SNX29: variants seen among roughly 807,000 people sequenced by gnomAD.
SNX29 encodes the protein sorting nexin-29.
In SNX29, 78 loss-of-function variants were observed where a neutral mutation model predicts 102.1. The ratio of observed to expected loss-of-function variants is 0.76; its 90% CI spans 0.64 to 0.92. SNX29 has a LOEUF of 0.92. Ranked by LOEUF, SNX29 falls within the 40% of genes least tolerant of loss-of-function variation. The pLI is 0.00. For synonymous variants in SNX29, 580 were observed against 414.5 expected, an observed-to-expected ratio of 1.40 and a Z score of -4.85; for missense variants, 1,280 against 1,061.7, an observed-to-expected ratio of 1.21 and a Z score of -2.86.
At chr16:12,426,704 C>T (rs1047804861) in intron 18 of SNX29, among the ~76,000 whole-genome samples, 1 of 152,164 alleles carries the variant, frequency 6.6e-6, no homozygotes, top group African/African-American at 2.4e-5. Context: ...CTCACTCTGT[C>T]GCCCAGGCTG....
chr16:12,558,042 C>T (rs751293861), intron 20 of SNX29, among the ~76,000 whole-genome samples: 4 of 152,106 alleles, frequency 2.6e-5, no homozygotes, highest in Non-Finnish European at 4.4e-5. Flanking sequence ...GGTAATTGGC[C>T]GGGATTACAA....
At chr16:12,561,335 G>GTGGTGAGACTC in intron 20 of SNX29, among the ~76,000 whole-genome samples, 1 of 152,234 alleles carries the variant, frequency 6.6e-6, no homozygotes, top group Middle Eastern at 3.4e-3. Flanking sequence ...GGTTTTCAAA[G>GTGGTGAGACTC]TGGTGAGACT....
At chr16:12,558,280 C>T (rs190535036) in intron 20 of SNX29, among the ~76,000 whole-genome samples, 36 of 152,252 alleles carry the variant, frequency 2.4e-4, no homozygotes, top group Admixed American at 1.6e-3. Flanking sequence ...CAGGCTGAGC[C>T]AGCTCTGAAA....
At chr16:12,347,885 C>T (rs979559315) in intron 15 of SNX29, among the ~76,000 whole-genome samples, 11 of 145,038 alleles carry the variant, frequency 7.6e-5, no homozygotes, top group Non-Finnish European at 1.2e-4. Flanking sequence ...CAAGACCAGC[C>T]TGAGAAACGT....
intron 13 of SNX29, among the ~76,000 whole-genome samples, chr16:12,147,141 C>A (rs1201928276): frequency 2.6e-5 from 4 of 152,212 alleles, no homozygotes; most frequent in Non-Finnish European, 5.9e-5. Flanking sequence ...AAGCGCGTGC[C>A]CGCGTTGAAT....
chr16:12,570,913 C>T lies in SNX29; in HGVS notation c.*2284C>T, dbSNP rs756497079. 4.5e-6 allele frequency: 1 copy of T among 221,696 alleles called. No individual in the cohort carries two copies. Among genetic ancestry groups the T allele is most frequent in the African/African-American group, 2.4e-5 (1 of 42,436 alleles). The allele number at this position is 221,696 out of a possible 1,614,324, so 13.7% of individuals were successfully genotyped here. A position where few individuals can be genotyped will look rare whatever the true frequency, so the allele number is the denominator to read the frequency against. On this transcript the variant is annotated 3_prime_UTR_variant, in exon 21 of 21. Transcript: ENST00000566228. ...ATTCACAAAAAACCTGGTCTGCTCT[C>T]CAAAATGAGAGCATGTTCCTGGGAG...
At chr16:12,093,417 C>T (rs1671239570) in intron 11 of SNX29, among the ~76,000 whole-genome samples, 1 of 146,042 alleles carries the variant, frequency 6.8e-6, no homozygotes, top group Admixed American at 6.8e-5. Context: ...CAAAACCAGC[C>T]TGGGCAACAT....
chr16:12,173,239 C>T (rs1014686002), intron 13 of SNX29, among the ~76,000 whole-genome samples: 3 of 152,200 alleles, frequency 2.0e-5, no homozygotes, highest in African/African-American at 7.2e-5. Context: ...CTGGTTCCAA[C>T]AGGCGGTTCC....
intron 3 of SNX29, among the ~76,000 whole-genome samples, chr16:12,010,924 T>C (rs2056627442): frequency 1.3e-5 from 2 of 152,152 alleles, no homozygotes; most frequent in Non-Finnish European, 2.9e-5. Flanking sequence ...TTCAGGCTTT[T>C]TTTTCTCTTT....
chr16:12,512,850 C>T (rs1229994840), intron 19 of SNX29, among the ~76,000 whole-genome samples: 5 of 152,150 alleles, frequency 3.3e-5, no homozygotes, highest in Non-Finnish European at 7.4e-5. Flanking sequence ...GGAGTGAGGG[C>T]GAGATGGCCT....
At chr16:12,060,245 G>A (rs139506219) in intron 8 of SNX29, among the ~76,000 whole-genome samples, 1 of 152,304 alleles carries the variant, frequency 6.6e-6, no homozygotes, top group African/African-American at 2.4e-5. Flanking sequence ...TAGAGATGAT[G>A]TAAAGTACAT....
chr16:12,449,792 T>C (rs1026967222), intron 18 of SNX29, among the ~76,000 whole-genome samples: 10 of 152,228 alleles, frequency 6.6e-5, no homozygotes, highest in African/African-American at 2.4e-4. Context: ...CTAAATCCCA[T>C]TGCTGAAATC....
intron 15 of SNX29, among the ~76,000 whole-genome samples, chr16:12,313,527 T>A (rs1402099259): frequency 1.3e-5 from 2 of 152,226 alleles, no homozygotes; most frequent in African/African-American, 4.8e-5. Context: ...TTCCATGACC[T>A]GCCAGTATGA....
intron 18 of SNX29, among the ~76,000 whole-genome samples, chr16:12,417,662 TTCC>T (rs749492348): frequency 1.3e-5 from 2 of 151,998 alleles, no homozygotes; most frequent in Admixed American, 6.6e-5. Context: ...CCCTCTTCCC[TTCC>T]TCCTCTTACT....
At chr16:12,328,216 G>C (rs950962724) in intron 15 of SNX29, among the ~76,000 whole-genome samples, 2 of 152,176 alleles carry the variant, frequency 1.3e-5, no homozygotes, top group African/African-American at 4.8e-5. Flanking sequence ...TTTTATCCTA[G>C]CTGTTGCTTT....
intron 19 of SNX29, among the ~76,000 whole-genome samples, chr16:12,499,877 A>T (rs117484117): frequency 3.3e-5 from 5 of 151,938 alleles, no homozygotes; most frequent in South Asian, 2.1e-4. Context: ...GGGCTTTGCT[A>T]TGTTGCCCAG....
intron 3 of SNX29, among the ~76,000 whole-genome samples, chr16:12,009,397 T>G (rs772738075): frequency 1.3e-5 from 2 of 151,800 alleles, no homozygotes; most frequent in Non-Finnish European, 2.9e-5. Context: ...TGTGGGTATG[T>G]GTGTGAGAGA....
At chr16:12,046,930 T>G (rs2050113018) in intron 6 of SNX29, among the ~76,000 whole-genome samples, 1 of 152,134 alleles carries the variant, frequency 6.6e-6, no homozygotes, top group South Asian at 2.1e-4. Flanking sequence ...CAGTGTTGGG[T>G]CCATTTATCT....
intron 20 of SNX29, among the ~76,000 whole-genome samples, chr16:12,563,645 G>A (rs1043943585): frequency 7.2e-5 from 11 of 152,138 alleles, no homozygotes; most frequent in Admixed American, 6.5e-5. Flanking sequence ...CAGAAGGTAG[G>A]AACTGAGTCT....
Sources: gnomAD v4.1 joint callset for allele counts (sites outside exome capture counted in the v4.1 genomes callset) on GRCh38, gnomAD v4.1.1 for gene constraint, MANE v1.5 for transcripts, NCBI Gene and HGNC (gene_info 2026-07-23, HGNC 2026-07-21) for gene names.